IMMP2L: variants seen among roughly 807,000 people sequenced by gnomAD.
IMMP2L encodes mitochondrial inner membrane protease subunit 2.
In IMMP2L, 18 loss-of-function variants were observed where a neutral mutation model predicts 19.3. The observed-to-expected ratio is 0.93, with a 90% CI of 0.64 to 1.38. The LOEUF (loss-of-function observed/expected upper bound fraction) is 1.38. IMMP2L is among the 40% of genes most tolerant of loss of function. The pLI is 0.00. For missense variants in IMMP2L, 233 were observed against 218.2 expected, an observed-to-expected ratio of 1.07 and a Z score of -0.43; for synonymous variants, 76 against 73.0, an observed-to-expected ratio of 1.04 and a Z score of -0.21.
At chr7:110,832,890 A>T (rs1243352181) in intron 5 of IMMP2L, among the ~76,000 whole-genome samples, 3 of 152,184 alleles carry the variant, frequency 2.0e-5, no homozygotes, top group Non-Finnish European at 2.9e-5. Context: ...GCATTTAGGT[A>T]ACCAGGCCAG....
chr7:110,697,482 T>C (rs557600731), intron 5 of IMMP2L, among the ~76,000 whole-genome samples: 1 of 152,286 alleles, frequency 6.6e-6, no homozygotes, highest in Admixed American at 6.5e-5. Context: ...TTATTCATGG[T>C]TTGGAATTTT....
At chr7:111,280,364 C>A (rs1335066030) in intron 3 of IMMP2L, among the ~76,000 whole-genome samples, 1 of 152,132 alleles carries the variant, frequency 6.6e-6, no homozygotes, top group African/African-American at 2.4e-5. Context: ...CTTCACTCTT[C>A]ACCTACCTAA....
At chr7:111,306,606 CTGTG>C (rs71147473) in intron 3 of IMMP2L, among the ~76,000 whole-genome samples, 11,443 of 135,958 alleles carry the variant, frequency 0.084, 590 homozygotes, top group East Asian at 0.19. Context: ...TCACTGGACT[CTGTG>C]TGTGTGTGTG....
intron 3 of IMMP2L, among the ~76,000 whole-genome samples, chr7:111,237,839 A>G (rs1814517378): frequency 6.6e-6 from 1 of 152,046 alleles, no homozygotes; most frequent in Non-Finnish European, 1.5e-5. Flanking sequence ...AGCCTTCAAG[A>G]TAAATAACAC....
At position 111,111,955 on chromosome 7, in the gene IMMP2L, T is replaced by G. The variant is rs1165287628; in HGVS notation, c.240-148390A>C. On this transcript the variant is annotated intron_variant, in intron 3 of 5. Transcript: ENST00000405709. Reference sequence around the variant, plus strand: ...TATATATAGTTTGTTTTTTTTTTTTTTTTTTTTTTTGAGATGGAGTCTTGC... The same window carrying G: ...TATATATAGTTTGTTTTTTTTTTTTGTTTTTTTTTTGAGATGGAGTCTTGC... 3.0e-5 allele frequency among the ~76,000 whole-genome samples: 4 copies of G among 135,408 alleles called. No individual in the cohort carries two copies. In the South Asian group the frequency reaches 1.0e-3, roughly 34 times the overall value. 88.8% of individuals were successfully genotyped at this position (135,408 alleles called of 152,430 possible). A position where few individuals can be genotyped will look rare whatever the true frequency, so the allele number is the denominator to read the frequency against.
intron 2 of IMMP2L, among the ~76,000 whole-genome samples, chr7:111,506,986 C>T (rs892399374): frequency 6.6e-6 from 1 of 152,036 alleles, no homozygotes; most frequent in Non-Finnish European, 1.5e-5. Flanking sequence ...GGACTACAGG[C>T]GCATGCCACC....
intron 4 of IMMP2L, among the ~76,000 whole-genome samples, chr7:110,913,961 T>G (rs1264431182): frequency 6.6e-6 from 1 of 152,164 alleles, no homozygotes; most frequent in Non-Finnish European, 1.5e-5. Flanking sequence ...TTTTTGCTAA[T>G]AATTTGGCAA....
chr7:111,376,960 C>T (rs184783065), intron 3 of IMMP2L, among the ~76,000 whole-genome samples: 5 of 151,942 alleles, frequency 3.3e-5, no homozygotes, highest in African/African-American at 1.2e-4. Context: ...TACAAATGTT[C>T]TAAAATTATT....
At chr7:111,097,672 G>A (rs1045446183) in intron 3 of IMMP2L, among the ~76,000 whole-genome samples, 1 of 151,594 alleles carries the variant, frequency 6.6e-6, no homozygotes, top group Admixed American at 6.6e-5. Flanking sequence ...TTACTGTATC[G>A]CTATATTTAT....
intron 5 of IMMP2L, among the ~76,000 whole-genome samples, chr7:110,787,671 C>T (rs1385988840): frequency 6.6e-6 from 1 of 151,826 alleles, no homozygotes; most frequent in Non-Finnish European, 1.5e-5. Context: ...CAAAAAGATT[C>T]CTATTTAATT....
chr7:111,445,499 A>T (rs1441727128), intron 3 of IMMP2L, among the ~76,000 whole-genome samples: 1 of 152,182 alleles, frequency 6.6e-6, no homozygotes. Flanking sequence ...GATGAATAAT[A>T]AAGAAGTATA....
intron 3 of IMMP2L, among the ~76,000 whole-genome samples, chr7:111,288,110 A>G (rs533132080): frequency 6.6e-6 from 1 of 152,254 alleles, no homozygotes; most frequent in Non-Finnish European, 1.5e-5. Flanking sequence ...GTTGTTTCCA[A>G]TGCACTAAGA....
intron 3 of IMMP2L, among the ~76,000 whole-genome samples, chr7:111,164,331 A>G (rs1805598700): frequency 6.6e-6 from 1 of 152,026 alleles, no homozygotes; most frequent in African/African-American, 2.4e-5. Context: ...AGTGACAGAA[A>G]GCCAGCTAGA....
intron 5 of IMMP2L, among the ~76,000 whole-genome samples, chr7:110,838,426 T>C (rs1263268491): frequency 6.6e-6 from 1 of 152,120 alleles, no homozygotes; most frequent in Non-Finnish European, 1.5e-5. Flanking sequence ...CCGAATTTCA[T>C]GTGTTAGAAA....
rs1180169608 is a variant in IMMP2L at position 111,487,246 on chromosome 7, T to C, written c.231A>G (p.Val77=). 1 of 1,518,236 alleles carries C rather than the reference T, an allele frequency of 6.6e-7. No homozygotes were observed. Among genetic ancestry groups the C allele is most frequent in the Non-Finnish European group, 9.1e-7 (1 of 1,093,258 alleles). The allele number at this position is 1,518,236 out of a possible 1,614,324, so 94.0% of individuals were successfully genotyped here. A position where few individuals can be genotyped will look rare whatever the true frequency, so the allele number is the denominator to read the frequency against. The change falls in exon 3 of 6, where the codon GTA becomes GTG. Residue 77 remains valine (V), a synonymous_variant. Coordinates refer to ENST00000405709, the MANE Select transcript of IMMP2L (RefSeq NM_032549.4). The part of the protein sequence containing the change: ...RNFEVHRGDI[V]SLVSPKNPEQ... ...GCTTCTGAGTTACTTACACCAATGA[T>C]ACAATGTCACCACGGTGTACTTCAA...
intron 3 of IMMP2L, among the ~76,000 whole-genome samples, chr7:111,076,884 AG>A (rs932199035): frequency 3.9e-5 from 6 of 152,188 alleles, no homozygotes; most frequent in Admixed American, 3.3e-4. Context: ...AAAAATCCTC[AG>A]GGCAAAATAA....
Position 111,123,273 on chromosome 7 carries a change from T to G in IMMP2L, c.240-159708A>C, listed in dbSNP as rs770663712. 1 of 1,613,880 alleles carries G rather than the reference T, an allele frequency of 6.2e-7. No homozygotes were observed. The highest frequency in any genetic ancestry group is 1.1e-5 in the South Asian group (1 of 91,052). On this transcript the variant is annotated intron_variant, in intron 3 of 5. Transcript: ENST00000405709. The surrounding 1 kb of genome is among the most constrained non-coding windows in gnomAD (Gnocchi z 6.4). ...CCTTTATTGGCCTACATAATCTTCT[T>G]CGACTTCATCTCAATTCAAATAGAT...
intron 3 of IMMP2L, among the ~76,000 whole-genome samples, chr7:111,104,117 G>C (rs758527618): frequency 6.6e-6 from 1 of 151,720 alleles, no homozygotes; most frequent in East Asian, 1.9e-4. Context: ...CTATATTCAG[G>C]CAACTTTTTT....
chr7:110,853,963 T>C (rs1806496655), intron 5 of IMMP2L, among the ~76,000 whole-genome samples: 1 of 151,962 alleles, frequency 6.6e-6, no homozygotes, highest in Non-Finnish European at 1.5e-5. Flanking sequence ...ATGTAACACA[T>C]AAATGCTGTT....
Sources: gnomAD v4.1 joint callset for allele counts (sites outside exome capture counted in the v4.1 genomes callset) on GRCh38, gnomAD v4.1.1 for gene constraint, Gnocchi (gnomAD v3.1) non-coding constraint, MANE v1.5 for transcripts, NCBI Gene and HGNC (gene_info 2026-07-23, HGNC 2026-07-21) for gene names.